XPA: variants seen among roughly 807,000 people sequenced by gnomAD.
XPA encodes XPA, DNA damage recognition and repair factor, also known as DNA repair protein complementing XP-A cells.
A neutral mutation model predicts 35.7 loss-of-function variants in XPA; 27 were observed. The ratio of observed to expected loss-of-function variants is 0.76; its 90% CI spans 0.56 to 1.04. The LOEUF (loss-of-function observed/expected upper bound fraction) is 1.04, where lower values mean the gene tolerates loss of function less well. Ranked by LOEUF, XPA falls within the 50% of genes least tolerant of loss-of-function variation. The pLI is 0.00. For synonymous variants in XPA, 133 were observed against 118.4 expected (o/e 1.12, Z -0.80); for missense variants, 354 against 342.7 (o/e 1.03, Z -0.26).
intron 4 of XPA, among the ~76,000 whole-genome samples, chr9:97,686,859 C>G (rs536081808): frequency 1.3e-5 from 2 of 152,210 alleles, no homozygotes; most frequent in South Asian, 4.1e-4. Context: ...GCCATGATCT[C>G]ACCACTGCAC....
At position 97,677,749 on chromosome 9, in the gene XPA, T is replaced by TTCC. The variant is rs528079975; in HGVS notation, c.674-2163_674-2162insGGA. 2.4e-4 allele frequency among the ~76,000 whole-genome samples: 34 copies of TTCC among 144,044 alleles called. No individual in the cohort carries two copies. In the South Asian group the frequency reaches 6.7e-3, roughly 28 times the overall value. The allele number at this position is 144,044 out of a possible 152,430, so 94.5% of individuals were successfully genotyped here. A position where few individuals can be genotyped will look rare whatever the true frequency, so the allele number is the denominator to read the frequency against. On this transcript the variant is annotated intron_variant, in intron 5 of 5. Coordinates refer to ENST00000375128, the MANE Select transcript of XPA (RefSeq NM_000380.4). ...ATTTAAAAATGGATAGGTTTGGGTT[T>TTCC]TTCTTTTTTTTTTACCCTTCTTTCC...
intron 5 of XPA, among the ~76,000 whole-genome samples, chr9:97,678,343 G>A (rs1042757245): frequency 1.3e-5 from 2 of 152,172 alleles, no homozygotes; most frequent in African/African-American, 4.8e-5. Context: ...GAAGGTTGCA[G>A]TGAGCTGAGG....
the XPA span, chr9:97,662,097 A>G: frequency 3.7e-6 from 6 of 1,613,842 alleles, no homozygotes; most frequent in African/African-American, 8.0e-5. Flanking sequence ...AGACTCTGCT[A>G]CACTTGGCAG....
chr9:97,693,541 T>C, intron 2 of XPA, 108 bp downstream of exon 2: 1 of 961,572 alleles, frequency 1.0e-6, no homozygotes, highest in Non-Finnish European at 1.6e-6. Flanking sequence ...GATAATGTAC[T>C]CACTGATTAA....
At chr9:97,669,915 A>G (rs566694173), downstream of XPA, 3 of 552,656 alleles carry the variant, frequency 5.4e-6, no homozygotes, top group East Asian at 1.1e-4. Context: ...CACCCCCCCA[A>G]CAACCCCCCG....
the XPA span, chr9:97,662,943 A>C: frequency 8.2e-6 from 13 of 1,591,378 alleles, no homozygotes; most frequent in South Asian, 1.2e-4. Flanking sequence ...TTTTCCCATC[A>C]TTATCAAAAG....
At chr9:97,682,479 C>T (rs780467608) in intron 5 of XPA, 1 of 518,434 alleles carries the variant, frequency 1.9e-6, no homozygotes, top group South Asian at 1.4e-5. Flanking sequence ...ATCACACTGA[C>T]CTCTCTGCAC....
chr9:97,663,629 C>T, the XPA span, among the ~76,000 whole-genome samples: 65 of 151,914 alleles, frequency 4.3e-4, 1 homozygote, highest in African/African-American at 1.4e-3. Flanking sequence ...GGATTACAGG[C>T]GTCCACCACC....
chr9:97,689,702 AT>A, intron 2 of XPA, 63 bp from the exon 3 acceptor site: 1 of 965,884 alleles, frequency 1.0e-6, no homozygotes, highest in Non-Finnish European at 1.6e-6. Context: ...ATTTTCCTCT[AT>A]TTTATTAGCT....
Position 97,688,805 on chromosome 9 carries a change from G to A in XPA, c.389+729C>T, listed in dbSNP as rs147409657. On this transcript the variant is annotated intron_variant, in intron 3 of 5. Transcript: ENST00000375128. ...ATGATGGCTCCCAATGTCTGCAGCA[G>A]GGACTCTGAAAGGGCAGGTCCTTCA... Among the ~76,000 whole-genome samples, 7 of 151,150 alleles carry A rather than the reference G, an allele frequency of 4.6e-5. No individual in the cohort carries two copies. In the East Asian group the frequency reaches 1.4e-3, roughly 29 times the overall value.
chr9:97,691,239 T>C (rs866596631), intron 2 of XPA, among the ~76,000 whole-genome samples: 14 of 152,362 alleles, frequency 9.2e-5, no homozygotes, highest in African/African-American at 3.1e-4. Flanking sequence ...TGTCTCACCT[T>C]GTGGATTATA....
intron 3 of XPA, 67 bp from the exon 4 acceptor site, chr9:97,687,328 A>G (rs1476406578): frequency 2.8e-6 from 4 of 1,428,072 alleles, no homozygotes; most frequent in Non-Finnish European, 3.8e-6. Flanking sequence ...CAAATAGCCC[A>G]GCAACTTAGG....
chr9:97,687,123 A>AC lies in XPA; in HGVS notation c.527dup (p.Asp177Ter). On this transcript the variant is annotated frameshift_variant, in exon 4 of 6. Transcript: ENST00000375128. LOFTEE classifies it high-confidence loss of function. ...GTAACTTTAAGTAGAGTTTCATATC[A>AC]CCCCATTGTGAATGATGTGGATTCT... 6.2e-7 allele frequency: 1 copy of AC among 1,612,002 alleles called. No homozygotes were observed. Among genetic ancestry groups the AC allele is most frequent in the South Asian group, 1.1e-5 (1 of 90,560 alleles).
At chr9:97,654,476 G>A in the XPA span, among the ~76,000 whole-genome samples, 1 of 151,816 alleles carries the variant, frequency 6.6e-6, no homozygotes, top group African/African-American at 2.4e-5. Context: ...TTACCAGTAT[G>A]TGACACAGAG....
rs1828667713 is a variant in XPA, at chr9:97,684,973, T to C, written c.623A>G (p.Gln208Arg). 6.2e-7 allele frequency: 1 copy of C among 1,613,576 alleles called. No homozygotes were observed. Among genetic ancestry groups the C allele is most frequent in the South Asian group, 1.1e-5 (1 of 91,070 alleles). ...EALEEAKEVR[Q>R]ENREKMKQKK... ...CTGTTTCATTTTTTCTCGGTTTTCC[T>C]GTCGGACTTCCTTTGCTTCTTCTAA... Residue 208 changes from glutamine to arginine, a missense_variant, in exon 5 of 6, where the codon CAG (glutamine) becomes CGG (arginine). Physicochemically the swap from Gln to Arg is conservative, Grantham distance 43. Coordinates refer to ENST00000375128, the MANE Select transcript of XPA (RefSeq NM_000380.4).
At chr9:97,674,079 G>A (rs927199715), downstream of XPA, among the ~76,000 whole-genome samples, 1 of 152,076 alleles carries the variant, frequency 6.6e-6, no homozygotes, top group African/African-American at 2.4e-5. Context: ...ATTTACCCAC[G>A]GTCCACAGCT....
chr9:97,687,324 G>A, intron 3 of XPA, 63 bp from the exon 4 acceptor site: 1 of 1,450,944 alleles, frequency 6.9e-7, no homozygotes, highest in Admixed American at 2.3e-5. Context: ...TTTGCAAATA[G>A]CCCAGCAACT....
chr9:97,684,117 T>C (rs950082189), intron 5 of XPA, among the ~76,000 whole-genome samples: 1 of 152,308 alleles, frequency 6.6e-6, no homozygotes, highest in South Asian at 2.1e-4. Context: ...GCACCGCACG[T>C]TCATCACTAT....
chr9:97,687,261 T>C lies in XPA; in HGVS notation c.390A>G (p.Arg130=). ...TAAGCTTGTGTTTATCATCAGCATC[T>C]CTGAAAACAGATTAAGTCCATTATA... ...HFDLPTCDNC[R]DADDKHKLIT... The change falls in exon 4 of 6, where the codon AGA becomes AGG. Residue 130 remains arginine, a splice_region_variant and synonymous_variant. Coordinates refer to ENST00000375128, the MANE Select transcript of XPA (RefSeq NM_000380.4). 1 of 1,603,242 alleles carries C rather than the reference T, an allele frequency of 6.2e-7. No individual in the cohort carries two copies. The highest frequency in any genetic ancestry group is 8.5e-7 in the Non-Finnish European group (1 of 1,175,330).
Sources: allele counts gnomAD v4.1 joint callset (sites outside exome capture counted in the v4.1 genomes callset), GRCh38; gene constraint gnomAD v4.1.1; transcripts MANE v1.5; gene names NCBI Gene and HGNC (gene_info 2026-07-23, HGNC 2026-07-21).